SLC22A3: variants seen among roughly 807,000 people sequenced by gnomAD.
SLC22A3 encodes solute carrier family 22 member 3, also known as EMT organic cation transporter 3.
SLC22A3 carries 51 observed loss-of-function variants against 59.1 expected under a neutral mutation model. That is an observed-to-expected ratio of 0.86 (90% CI 0.69 to 1.09). The LOEUF (loss-of-function observed/expected upper bound fraction) is 1.09. SLC22A3 is among the 50% of genes least tolerant of loss of function. The pLI is 0.00. For missense variants in SLC22A3, 711 were observed against 726.3 expected, an observed-to-expected ratio of 0.98 and a Z score of 0.24; for synonymous variants, 325 against 292.0, an observed-to-expected ratio of 1.11 and a Z score of -1.15.
chr6:160,423,304 GCC>G (rs1787822983), intron 5 of SLC22A3, among the ~76,000 whole-genome samples: 1 of 152,186 alleles, frequency 6.6e-6, no homozygotes, highest in South Asian at 2.1e-4. Flanking sequence ...GTGTGCATGT[GCC>G]TTTATAGCAG....
chr6:160,382,659 T>C (rs1257427548), intron 1 of SLC22A3, among the ~76,000 whole-genome samples: 1 of 152,200 alleles, frequency 6.6e-6, no homozygotes, highest in Non-Finnish European at 1.5e-5. Flanking sequence ...AATGTGATAA[T>C]GCCTGGGGCT....
chr6:160,395,893 C>T (rs1786450519), intron 1 of SLC22A3, among the ~76,000 whole-genome samples: 1 of 152,312 alleles, frequency 6.6e-6, no homozygotes, highest in Admixed American at 6.5e-5. Context: ...TGAGACTCCT[C>T]AAAATTCATA....
chr6:160,397,920 G>A (rs1583476135), intron 1 of SLC22A3, 59 bp from the exon 2 acceptor site: 9 of 1,237,158 alleles, frequency 7.3e-6, no homozygotes, highest in Non-Finnish European at 1.1e-5. Flanking sequence ...CAAAAGATAA[G>A]GTGTTTTGAA....
At chr6:160,378,598 ATAT>A in intron 1 of SLC22A3, among the ~76,000 whole-genome samples, 1 of 152,208 alleles carries the variant, frequency 6.6e-6, no homozygotes, top group African/African-American at 2.4e-5. Flanking sequence ...GGACAGTAAT[ATAT>A]AGAGGCTCCT....
Position 160,348,788 on chromosome 6 carries a change from C to T in SLC22A3, c.369C>T (p.Pro123=). 1 of 1,572,308 alleles carries T rather than the reference C, an allele frequency of 6.4e-7. No individual in the cohort carries two copies. The highest frequency in any genetic ancestry group is 8.6e-7 in the Non-Finnish European group (1 of 1,166,944). ...CCGCCTTCCCCAACCGCTCGGCTCC[C>T]CTTGTGCCGTGCCGCGGCGGCTGGC... is the stretch of plus-strand genomic sequence containing the variant. ...PLAAFPNRSA[P]LVPCRGGWRY... is the part of the protein sequence containing the mutation. Residue 123 remains proline, a synonymous_variant, in exon 1 of 11, where the codon CCC becomes CCT. Coordinates refer to ENST00000275300, the MANE Select transcript of SLC22A3 (RefSeq NM_021977.4).
At chr6:160,362,675 C>T (rs567473060) in intron 1 of SLC22A3, among the ~76,000 whole-genome samples, 1 of 152,140 alleles carries the variant, frequency 6.6e-6, no homozygotes, top group Non-Finnish European at 1.5e-5. Context: ...CGGGTGGGGG[C>T]GGGCCAGACG....
intron 2 of SLC22A3, among the ~76,000 whole-genome samples, chr6:160,400,809 G>A (rs935822009): frequency 1.3e-5 from 2 of 151,814 alleles, no homozygotes; most frequent in Admixed American, 6.6e-5. Context: ...AGAACAGTTG[G>A]GCTATGTAAG....
intron 2 of SLC22A3, among the ~76,000 whole-genome samples, chr6:160,399,604 G>A (rs1458549975): frequency 6.6e-6 from 1 of 152,090 alleles, no homozygotes; most frequent in Non-Finnish European, 1.5e-5. Context: ...CCTACATTTG[G>A]CTTCTTCTCT....
intron 9 of SLC22A3, among the ~76,000 whole-genome samples, chr6:160,446,828 T>C (rs1447573872): frequency 6.6e-6 from 1 of 152,250 alleles, no homozygotes; most frequent in Non-Finnish European, 1.5e-5. Flanking sequence ...ACCTTCAGTA[T>C]TACCTGTGCT....
intron 5 of SLC22A3, chr6:160,426,088 G>T: frequency 1.0e-6 from 1 of 985,336 alleles, no homozygotes; most frequent in Non-Finnish European, 1.2e-6. Flanking sequence ...TAAGCAACCC[G>T]CAAACTCCAA....
chr6:160,433,216 T>C (rs1407154325), intron 5 of SLC22A3, among the ~76,000 whole-genome samples: 1 of 152,224 alleles, frequency 6.6e-6, no homozygotes, highest in Non-Finnish European at 1.5e-5. Context: ...AGATCTTTAT[T>C]TTCTTGTCAA....
At chr6:160,396,753 T>C (rs1266467452) in intron 1 of SLC22A3, among the ~76,000 whole-genome samples, 1 of 152,122 alleles carries the variant, frequency 6.6e-6, no homozygotes, top group Non-Finnish European at 1.5e-5. Flanking sequence ...TACATCTTAT[T>C]TTTTTATCAA....
At chr6:160,383,707 C>A (rs1785882808) in intron 1 of SLC22A3, among the ~76,000 whole-genome samples, 1 of 152,126 alleles carries the variant, frequency 6.6e-6, no homozygotes. Flanking sequence ...CCTCTTCTGA[C>A]ATTTCAGTGT....
chr6:160,373,545 A>G (rs992374341), intron 1 of SLC22A3, among the ~76,000 whole-genome samples: 6 of 152,086 alleles, frequency 3.9e-5, no homozygotes, highest in Admixed American at 2.6e-4. Context: ...GTGCTGGGAG[A>G]TCTGCTGCTA....
intron 5 of SLC22A3, among the ~76,000 whole-genome samples, chr6:160,430,073 G>A (rs889872774): frequency 2.6e-5 from 4 of 151,744 alleles, no homozygotes; most frequent in Non-Finnish European, 5.9e-5. Context: ...TGTTATAGGT[G>A]CATATATGTA....
At chr6:160,352,262 A>C (rs1784686674) in intron 1 of SLC22A3, among the ~76,000 whole-genome samples, 1 of 152,242 alleles carries the variant, frequency 6.6e-6, no homozygotes, top group African/African-American at 2.4e-5. Context: ...CTTTATGGCC[A>C]GCTCCTAATT....
intron 2 of SLC22A3, among the ~76,000 whole-genome samples, chr6:160,404,102 G>A (rs992289602): frequency 6.6e-6 from 1 of 151,698 alleles, no homozygotes; most frequent in African/African-American, 2.4e-5. Flanking sequence ...GAAAATAACA[G>A]GTATACTGAT....
In SLC22A3 at chr6:160,371,302, A is replaced by T. The variant is rs187964500; in HGVS notation, c.429+22454A>T. On this transcript the variant is annotated intron_variant, in intron 1 of 10. Transcript: ENST00000275300. ...CACCCATCAACCTGTCACTTACATT[A>T]GGTATTTCTCCTAATGCTATCCCTC... Among the ~76,000 whole-genome samples the T allele has an allele frequency of 5.1e-4, 77 of 152,220 alleles. 1 individual carries two copies. The East Asian group carries it at 0.012, about 24-fold the overall frequency.
intron 1 of SLC22A3, among the ~76,000 whole-genome samples, chr6:160,374,498 A>C (rs2114780817): frequency 6.6e-6 from 1 of 152,338 alleles, no homozygotes; most frequent in Non-Finnish European, 1.5e-5. Flanking sequence ...GAATGAATAA[A>C]TGAATGAATG....
Sources: gnomAD v4.1 joint callset for allele counts (sites outside exome capture counted in the v4.1 genomes callset) on GRCh38, gnomAD v4.1.1 for gene constraint, MANE v1.5 for transcripts, NCBI Gene and HGNC (gene_info 2026-07-23, HGNC 2026-07-21) for gene names.